ZNF341: variants seen among roughly 807,000 people sequenced by gnomAD.
The protein encoded by ZNF341 is zinc finger protein 341.
In ZNF341, 52 loss-of-function variants were observed where a neutral mutation model predicts 87.7. The observed-to-expected ratio is 0.59, with a 90% confidence interval of 0.47 to 0.75. ZNF341 has a LOEUF of 0.75. Ranked by LOEUF, ZNF341 falls within the 30% of genes least tolerant of loss-of-function variation. The pLI, the probability that ZNF341 is intolerant of heterozygous loss-of-function variation, is 0.00. For missense variants in ZNF341, 977 were observed against 1,145.9 expected (o/e 0.85, Z 2.13); for synonymous variants, 459 against 472.7 (o/e 0.97, Z 0.38).
chr20:33,771,229 G>A (rs911015024), intron 10 of ZNF341, among the ~76,000 whole-genome samples: 1 of 152,082 alleles, frequency 6.6e-6, no homozygotes, highest in Non-Finnish European at 1.5e-5. Context: ...TAAAGTTGAA[G>A]CTATATGCTG....
intron 5 of ZNF341, among the ~76,000 whole-genome samples, chr20:33,755,591 C>CTTT (rs1004093201): frequency 2.1e-4 from 25 of 118,014 alleles, no homozygotes; most frequent in Middle Eastern, 3.9e-3. Context: ...GAGTTGAATT[C>CTTT]TTTTTTTTTT....
chr20:33,733,065 G>C (rs1253907753), intron 1 of ZNF341, among the ~76,000 whole-genome samples: 1 of 152,070 alleles, frequency 6.6e-6, no homozygotes, highest in Non-Finnish European at 1.5e-5. Context: ...TTAATTTTTT[G>C]AGACGGAGTC....
chr20:33,756,092 G>A (rs1427873397), intron 5 of ZNF341, among the ~76,000 whole-genome samples: 1 of 151,980 alleles, frequency 6.6e-6, no homozygotes, highest in African/African-American at 2.4e-5. Flanking sequence ...GCATGGTGGT[G>A]TGTGCCTGTT....
chr20:33,767,602 C>G (rs1165235905), intron 9 of ZNF341, among the ~76,000 whole-genome samples: 2 of 152,264 alleles, frequency 1.3e-5, no homozygotes, highest in East Asian at 1.9e-4. Flanking sequence ...AATCCAGAAC[C>G]ACTGTTATCC....
chr20:33,753,242 C>T lies in ZNF341; in HGVS notation c.560C>T (p.Pro187Leu), dbSNP rs753658611. 5 of 1,611,760 alleles carry T rather than the reference C, an allele frequency of 3.1e-6. No individual in the cohort carries two copies. The highest frequency in any genetic ancestry group is 2.2e-5 in the South Asian group (2 of 90,992). Residue 187 changes from proline to leucine, a missense_variant, in exon 5 of 15, where the codon CCA (proline) becomes CTA (leucine). Coordinates refer to ENST00000375200, the MANE Select transcript of ZNF341 (RefSeq NM_001282933.2). ...QPPPPPPPPP[P>L]LPPPPPPQPP... ...CCACCTCCTCCTCCACCTCCTCCAC[C>T]ACTGCCCCCACCGCCACCACCTCAG... is the stretch of plus-strand genomic sequence containing the variant.
intron 4 of ZNF341, among the ~76,000 whole-genome samples, chr20:33,749,549 A>G (rs915407940): frequency 4.6e-5 from 7 of 152,106 alleles, no homozygotes; most frequent in African/African-American, 1.4e-4. Flanking sequence ...CCCCCACCTC[A>G]GCCTCCTGAA....
chr20:33,733,411 G>C (rs967799723), intron 1 of ZNF341, among the ~76,000 whole-genome samples: 2 of 135,782 alleles, frequency 1.5e-5, no homozygotes, highest in South Asian at 4.6e-4. Flanking sequence ...TTTTTTTTTT[G>C]TATTTTAAGT....
At chr20:33,757,389 A>T (rs749332330) in intron 6 of ZNF341, 46 bp downstream of exon 6, 13 of 1,395,982 alleles carry the variant, frequency 9.3e-6, no homozygotes, top group Non-Finnish European at 1.2e-5. Context: ...ACATTGGCCA[A>T]TCCACAAGCT....
At chr20:33,747,884 T>TG (rs2018966853) in intron 3 of ZNF341, among the ~76,000 whole-genome samples, 1 of 151,062 alleles carries the variant, frequency 6.6e-6, no homozygotes, top group Non-Finnish European at 1.5e-5. Flanking sequence ...TTATTGGAGA[T>TG]GGGGTTTCAC....
Position 33,762,042 on chromosome 20 carries a change from C to T in ZNF341, c.1209C>T (p.Asp403=), listed in dbSNP as rs750207536. 27 of 1,558,922 alleles carry T rather than the reference C, an allele frequency of 1.7e-5. No homozygotes were observed. The highest frequency in any genetic ancestry group is 6.8e-5 in the African/African-American group (5 of 73,810). The change falls in exon 8 of 15, where the codon GAC becomes GAT. Residue 403 remains aspartate (D), a synonymous_variant. Transcript: ENST00000375200. The part of the protein sequence containing the change: ...VMALNPSRQE[D]EESTGLGQPL... ...CCCTGAACCCCAGCAGGCAGGAGGA[C>T]GAGGAAAGCACAGGTGGGTGGAAGT...
At chr20:33,753,499 A>G in intron 5 of ZNF341, 76 bp downstream of exon 5, 1 of 1,457,728 alleles carries the variant, frequency 6.9e-7, no homozygotes, top group African/African-American at 1.4e-5. Flanking sequence ...CCTGAGCACC[A>G]GCTGTGTGCC....
At chr20:33,768,018 C>G (rs1219174902) in intron 9 of ZNF341, among the ~76,000 whole-genome samples, 4 of 152,180 alleles carry the variant, frequency 2.6e-5, no homozygotes, top group African/African-American at 7.2e-5. Context: ...GAAGCTTTTG[C>G]CTTTGTGTTC....
At position 33,778,664 on chromosome 20, in the gene ZNF341, A is replaced by G. The variant is rs545483340; in HGVS notation, c.1623-2627A>G. Among the ~76,000 whole-genome samples the G allele has an allele frequency of 3.3e-5, 5 of 152,284 alleles. No homozygotes were observed. In the South Asian group the frequency reaches 8.3e-4, roughly 25 times the overall value. ...AGTGTGTAGTTTCAGAGTGCGGTCTATGGGGCTCCCCTGGGCCCTTCGCAG... is the reference window on the plus strand; with the variant it reads ...AGTGTGTAGTTTCAGAGTGCGGTCTGTGGGGCTCCCCTGGGCCCTTCGCAG... On this transcript the variant is annotated intron_variant, in intron 10 of 14. Coordinates refer to ENST00000375200, the MANE Select transcript of ZNF341 (RefSeq NM_001282933.2).
chr20:33,752,423 C>A, intron 4 of ZNF341: 2 of 618,522 alleles, frequency 3.2e-6, no homozygotes, highest in South Asian at 1.4e-5. Context: ...CTGAGGAGCA[C>A]GCTTCTTGAA....
At chr20:33,771,045 C>G (rs2019521829) in intron 10 of ZNF341, among the ~76,000 whole-genome samples, 1 of 151,950 alleles carries the variant, frequency 6.6e-6, no homozygotes, top group Admixed American at 6.6e-5. Flanking sequence ...TGACGTGAAC[C>G]CGGGAGGCAG....
intron 14 of ZNF341, 98 bp downstream of exon 14, chr20:33,789,686 C>T (rs2019956719): frequency 7.6e-7 from 1 of 1,317,138 alleles, no homozygotes; most frequent in East Asian, 2.4e-5. Flanking sequence ...TCCTGTGAGG[C>T]TTGTTTTCCC....
At chr20:33,735,027 T>C (rs1370199674) in intron 1 of ZNF341, among the ~76,000 whole-genome samples, 4 of 151,774 alleles carry the variant, frequency 2.6e-5, no homozygotes, top group African/African-American at 9.7e-5. Flanking sequence ...TTTAATTTAA[T>C]TTAACTTAAT....
intron 11 of ZNF341, 22 bp downstream of exon 11, chr20:33,781,409 T>G (rs565324951): frequency 6.2e-7 from 1 of 1,608,130 alleles, no homozygotes; most frequent in South Asian, 1.1e-5. Flanking sequence ...TGTCCTCTTT[T>G]CTGGGGCCTA....
At chr20:33,737,336 TTTTGAGACG>T (rs1001984120) in intron 1 of ZNF341, among the ~76,000 whole-genome samples, 1 of 152,176 alleles carries the variant, frequency 6.6e-6, no homozygotes, top group Non-Finnish European at 1.5e-5. Flanking sequence ...ATTTTTTATT[TTTTGAGACG>T]TAGTCTCGCT....
Sources: gnomAD v4.1 joint callset for allele counts (sites outside exome capture counted in the v4.1 genomes callset) on GRCh38, gnomAD v4.1.1 for gene constraint, MANE v1.5 for transcripts, NCBI Gene and HGNC (gene_info 2026-07-23, HGNC 2026-07-21) for gene names.